Variants in GRM4 observed in about 807,000 individuals in gnomAD.
GRM4 encodes metabotropic glutamate receptor 4.
Under a neutral mutation model 81.7 loss-of-function variants are expected in GRM4, and 28 were observed. The ratio of observed to expected loss-of-function variants is 0.34; its 90% confidence interval spans 0.25 to 0.47. GRM4 has a LOEUF of 0.47. Among genes scored for constraint, GRM4 ranks in the 20% least tolerant of loss-of-function variants. The pLI, the probability that GRM4 is intolerant of heterozygous loss-of-function variation, is 1.00. For synonymous variants in GRM4, 488 were observed against 528.8 expected, an observed-to-expected ratio of 0.92 and a Z score of 1.06; for missense variants, 948 against 1,290.0, an observed-to-expected ratio of 0.73 and a Z score of 4.06.
At chr6:34,153,128 T>A (rs887731739) in intron 1 of GRM4, among the ~76,000 whole-genome samples, 5 of 152,092 alleles carry the variant, frequency 3.3e-5, no homozygotes, top group Admixed American at 3.3e-4. Context: ...GACTCCACCC[T>A]GGACAAGAAG....
chr6:34,118,010 C>A lies in GRM4; in HGVS notation c.519+14968G>T, dbSNP rs535783400. 1.1e-3 allele frequency among the ~76,000 whole-genome samples: 162 copies of A among 152,304 alleles called. 1 individual carries two copies. In the South Asian group the frequency reaches 0.015, roughly 14 times the overall value. On this transcript the variant is annotated intron_variant, in intron 2 of 10. Transcript: ENST00000538487. ...ATCAAGGATATTGGAACATGCTCACCACTGTAGTCTAGTGGACAAAAGCTG... is the reference window on the plus strand; with the variant it reads ...ATCAAGGATATTGGAACATGCTCACAACTGTAGTCTAGTGGACAAAAGCTG...
intron 3 of GRM4, among the ~76,000 whole-genome samples, chr6:34,067,489 CCTTT>C (rs1395332473): frequency 7.0e-6 from 1 of 141,900 alleles, no homozygotes; most frequent in East Asian, 2.3e-4. Flanking sequence ...TCTCTTCCTT[CCTTT>C]CTTCCTTCTT....
chr6:34,040,374 G>T, intron 7 of GRM4, 60 bp from the exon 8 acceptor site: 2 of 1,578,032 alleles, frequency 1.3e-6, no homozygotes, highest in Non-Finnish European at 1.7e-6. Context: ...CGGATGATGA[G>T]CCTGGGGCAG....
chr6:34,126,828 G>A (rs908982758), intron 2 of GRM4, among the ~76,000 whole-genome samples: 1 of 152,214 alleles, frequency 6.6e-6, no homozygotes, highest in Non-Finnish European at 1.5e-5. Context: ...TGCATCAGCT[G>A]GGAGTTCTAT....
At chr6:34,056,978 G>C (rs1039729714) in intron 5 of GRM4, among the ~76,000 whole-genome samples, 4 of 152,168 alleles carry the variant, frequency 2.6e-5, no homozygotes, top group African/African-American at 9.7e-5. Context: ...TGCTAACAGC[G>C]GGCTTTGAGA....
intron 1 of GRM4, among the ~76,000 whole-genome samples, chr6:34,134,767 T>C (rs57130098): frequency 0.064 from 9,688 of 152,124 alleles, 632 homozygotes; most frequent in African/African-American, 0.17. Context: ...GCTCGGGTTA[T>C]GGCCTGAGCT....
chr6:34,063,170 T>TA (rs1384726148), intron 3 of GRM4: 1 of 152,438 alleles, frequency 6.6e-6, no homozygotes, highest in Non-Finnish European at 1.5e-5. Flanking sequence ...CCGCTGGGCT[T>TA]CCAAATGACC....
intron 10 of GRM4, 90 bp downstream of exon 10, chr6:34,028,030 C>G: frequency 7.2e-7 from 1 of 1,380,286 alleles, no homozygotes; most frequent in South Asian, 1.4e-5. Flanking sequence ...CGGGGCAGGG[C>G]GGGGTGGGGA....
At position 34,133,832 on chromosome 6, in the gene GRM4, AC is replaced by A; in HGVS notation, c.-337del. 9.1e-7 allele frequency: 1 copy of A among 1,104,668 alleles called. No individual in the cohort carries two copies. Among genetic ancestry groups the A allele is most frequent in the Non-Finnish European group, 1.1e-6 (1 of 907,164 alleles). The allele number at this position is 1,104,668 out of a possible 1,614,324, so 68.4% of individuals were successfully genotyped here. ...GGCGTATCTTGGCATCAAGGAGAAA[AC>A]AGCTCCAATCCTCTCCTCCTACCAA... On this transcript the variant is annotated 5_prime_UTR_variant, in exon 2 of 11. It removes the in-frame stop codon of an upstream open reading frame in the 5' UTR. Coordinates refer to ENST00000538487, the MANE Select transcript of GRM4 (RefSeq NM_000841.4). This position sits in a 1 kb window ranked among gnomAD's most constrained non-coding sequence, Gnocchi z 6.5.
Position 34,119,117 on chromosome 6 carries a change from C to T in GRM4, c.519+13861G>A, listed in dbSNP as rs555544015. On this transcript the variant is annotated intron_variant, in intron 2 of 10. Coordinates refer to ENST00000538487, the MANE Select transcript of GRM4 (RefSeq NM_000841.4). ...CCACAAAAGAAACAGATGATGAGGC[C>T]GGGCACAGTGGATCACGCCTGTAAT... is the stretch of plus-strand genomic sequence containing the variant. Among the ~76,000 whole-genome samples, 360 of 152,194 alleles carry T rather than the reference C, an allele frequency of 2.4e-3. 2 individuals are homozygous for T. The highest frequency in any genetic ancestry group is 8.7e-4 in the Non-Finnish European group (59 of 68,010).
intron 3 of GRM4, chr6:34,091,585 C>T (rs894669626): frequency 2.8e-5 from 11 of 399,548 alleles, no homozygotes; most frequent in African/African-American, 2.2e-4. Context: ...CCATCCCTTC[C>T]TCTGCTGTGA....
At chr6:34,032,652 A>G (rs893521381) in intron 9 of GRM4, among the ~76,000 whole-genome samples, 2 of 152,316 alleles carry the variant, frequency 1.3e-5, no homozygotes, top group African/African-American at 2.4e-5. Flanking sequence ...CTCTGGGCCT[A>G]TGAACTGATC....
rs931736824 is a variant in GRM4 at position 34,074,698 on chromosome 6, C to G, written c.737-12670G>C. ...AGCAGAGGGAAATTTGCTGAGTGATCGACTTAATATCTCAACACAAACCCA... is the reference window on the plus strand; with the variant it reads ...AGCAGAGGGAAATTTGCTGAGTGATGGACTTAATATCTCAACACAAACCCA... On this transcript the variant is annotated intron_variant, in intron 3 of 10. Transcript: ENST00000538487. The surrounding 1 kb of genome is among the most constrained non-coding windows in gnomAD (Gnocchi z 4.9). Among the ~76,000 whole-genome samples the G allele has an allele frequency of 6.6e-6, 1 of 152,202 alleles. No individual in the cohort carries two copies. The highest frequency in any genetic ancestry group is 1.5e-5 in the Non-Finnish European group (1 of 68,030).
rs1014883079 is a variant in GRM4, at chr6:34,074,424, C to T, written c.737-12396G>A. 3.3e-5 allele frequency among the ~76,000 whole-genome samples: 5 copies of T among 152,300 alleles called. No homozygotes were observed. Among genetic ancestry groups the T allele is most frequent in the Middle Eastern group, 3.4e-3 (1 of 292 alleles). On this transcript the variant is annotated intron_variant, in intron 3 of 10. Transcript: ENST00000538487. This position sits in a 1 kb window ranked among gnomAD's most constrained non-coding sequence, Gnocchi z 4.9. ...GAGGATGCAGGCCTTGGAGGACCTG[C>T]CAGGGCAGCTGTGAGGCTCAACATC...
At chr6:34,094,230 A>G (rs1381300110) in intron 2 of GRM4, among the ~76,000 whole-genome samples, 2 of 152,220 alleles carry the variant, frequency 1.3e-5, no homozygotes, top group Non-Finnish European at 2.9e-5. Context: ...GCATTGCCTC[A>G]GGGGAGGAAA....
rs544320553 is a variant in GRM4 at position 34,082,469 on chromosome 6, C to CTTCT, written c.736+9413_736+9414insAGAA. On this transcript the variant is annotated intron_variant, in intron 3 of 10. Coordinates refer to ENST00000538487, the MANE Select transcript of GRM4 (RefSeq NM_000841.4). ...GAGAAGTCAGTGAGGGATGTGAAGA[C>CTTCT]CTGTGTTGTGGGGGACTCAGAGGTC... 7.2e-5 allele frequency among the ~76,000 whole-genome samples: 11 copies of CTTCT among 152,182 alleles called. No individual in the cohort carries two copies. In the South Asian group the frequency reaches 2.3e-3, roughly 32 times the overall value.
At chr6:34,075,260 C>T (rs1767255172) in intron 3 of GRM4, among the ~76,000 whole-genome samples, 1 of 152,204 alleles carries the variant, frequency 6.6e-6, no homozygotes, top group African/African-American at 2.4e-5. Flanking sequence ...TTCTTCCCAC[C>T]TTCCCCAACT....
rs1423243501 is a variant in GRM4, at chr6:34,074,028, GCCTCTGAAACCCCA to G, written c.737-12014_737-12001del. 1.3e-5 allele frequency among the ~76,000 whole-genome samples: 2 copies of G among 152,202 alleles called. No homozygotes were observed. Among genetic ancestry groups the G allele is most frequent in the Non-Finnish European group, 2.9e-5 (2 of 68,030 alleles). On this transcript the variant is annotated intron_variant, in intron 3 of 10. Coordinates refer to ENST00000538487, the MANE Select transcript of GRM4 (RefSeq NM_000841.4). The surrounding 1 kb of genome is among the most constrained non-coding windows in gnomAD (Gnocchi z 4.9). Reference sequence around the variant, plus strand: ...AACATTAAGGCAAAGCCCTCCTCTTGCCTCTGAAACCCCACCTCTGCCACCAGGCTCTCCATTCC... The same window carrying G: ...AACATTAAGGCAAAGCCCTCCTCTTGCCTCTGCCACCAGGCTCTCCATTCC...
chr6:34,123,979 G>T (rs932557232), intron 2 of GRM4, among the ~76,000 whole-genome samples: 1 of 152,202 alleles, frequency 6.6e-6, no homozygotes, highest in East Asian at 1.9e-4. Flanking sequence ...AGTCATCAGG[G>T]TGGGAGCCCA....
Sources: gnomAD v4.1 joint callset for allele counts (sites outside exome capture counted in the v4.1 genomes callset) on GRCh38, gnomAD v4.1.1 for gene constraint, Gnocchi (gnomAD v3.1) non-coding constraint, MANE v1.5 for transcripts, NCBI Gene and HGNC (gene_info 2026-07-23, HGNC 2026-07-21) for gene names.